The following CD82 variants were observed in gnomAD, a reference collection of about 807,000 sequenced individuals.
The protein encoded by CD82 is CD82 antigen.
Under a neutral mutation model 37.4 loss-of-function variants are expected in CD82, and 36 were observed. That is an observed-to-expected ratio of 0.96 (90% CI 0.74 to 1.27). The LOEUF (loss-of-function observed/expected upper bound fraction) is 1.27, where lower values mean the gene tolerates loss of function less well. CD82 is among the 50% of genes most tolerant of loss of function. The probability of loss-of-function intolerance (pLI) is 0.00; values close to 1 mark genes in which losing one functional copy is unlikely to be tolerated. For synonymous variants in CD82, 158 were observed against 137.4 expected, an observed-to-expected ratio of 1.15 and a Z score of -1.05; for missense variants, 340 against 347.0, an observed-to-expected ratio of 0.98 and a Z score of 0.16.
intron 6 of CD82, chr11:44,608,041 GA>G (rs778296567): frequency 1.3e-5 from 2 of 152,284 alleles, no homozygotes; most frequent in Non-Finnish European, 2.9e-5. Context: ...AAGGCAGGGG[GA>G]AATTTTCTGG....
At chr11:44,614,009 T>C (rs1853524872) in intron 6 of CD82, among the ~76,000 whole-genome samples, 2 of 149,612 alleles carry the variant, frequency 1.3e-5, no homozygotes, top group Middle Eastern at 3.5e-3. Context: ...GTTTTTGTTG[T>C]TGTTTTTGTT....
rs1444489746 is a variant in CD82, at chr11:44,587,546, T to G, written c.-31T>G. The G allele has an allele frequency of 2.2e-6, 1 of 456,286 alleles. No individual in the cohort carries two copies. Among genetic ancestry groups the G allele is most frequent in the Non-Finnish European group, 4.4e-6 (1 of 226,948 alleles). The allele number at this position is 456,286 out of a possible 1,614,324, so 28.3% of individuals were successfully genotyped here. ...TGGGCCCTGTGACCAGCTGCACTGG[T>G]TTCGTGGAAGGTAAGTCCTGGGCTG... On this transcript the variant is annotated 5_prime_UTR_variant, in exon 2 of 10. Coordinates refer to ENST00000227155, the MANE Select transcript of CD82 (RefSeq NM_002231.4).
chr11:44,615,135 C>T, intron 6 of CD82, 137 bp from the exon 7 acceptor site: 1 of 650,516 alleles, frequency 1.5e-6, no homozygotes, highest in Non-Finnish European at 2.9e-6. Context: ...CCTGGGAGCG[C>T]CAGGAAAGTG....
chr11:44,600,206 A>T lies in CD82; in HGVS notation c.112A>T (p.Lys38Ter). ...LGFGVWILADKSSFISVLQTS... is the reference protein window; with the variant it reads ...LGFGVWILAD ...CTTCGGGGTGTGGATCCTGGCCGACAAGAGCAGTTTCATCTCTGTCCTGCG... is the reference window on the plus strand; with the variant it reads ...CTTCGGGGTGTGGATCCTGGCCGACTAGAGCAGTTTCATCTCTGTCCTGCG... Residue 38 changes from lysine to a stop codon, truncating the protein, a stop_gained, in exon 4 of 10, where the codon AAG (lysine) becomes TAG (stop). Coordinates refer to ENST00000227155, the MANE Select transcript of CD82 (RefSeq NM_002231.4). LOFTEE classifies it high-confidence loss of function. The T allele has an allele frequency of 6.2e-7, 1 of 1,614,000 alleles. No homozygotes were observed. Among genetic ancestry groups the T allele is most frequent in the Non-Finnish European group, 8.5e-7 (1 of 1,179,948 alleles).
Position 44,619,195 on chromosome 11 carries a change from C to A in CD82, c.*69C>A. ...GGCTCCCAGGGGTCTCCCTGGCTCC[C>A]TCCTCCAGGCCTGCCTCCCACTTCA... On this transcript the variant is annotated 3_prime_UTR_variant, in exon 10 of 10. Coordinates refer to ENST00000227155, the MANE Select transcript of CD82 (RefSeq NM_002231.4). 8.0e-7 allele frequency: 1 copy of A among 1,246,222 alleles called. No homozygotes were observed. The highest frequency in any genetic ancestry group is 1.2e-6 in the Non-Finnish European group (1 of 844,856). 77.2% of individuals were successfully genotyped at this position (1,246,222 alleles called of 1,614,324 possible). A position where few individuals can be genotyped will look rare whatever the true frequency, so the allele number is the denominator to read the frequency against.
intron 8 of CD82, 37 bp from the exon 9 acceptor site, chr11:44,618,603 C>CA: frequency 6.5e-7 from 1 of 1,548,434 alleles, no homozygotes; most frequent in Non-Finnish European, 8.9e-7. Context: ...TGGGATGGTG[C>CA]AGAGCGGGGT....
At chr11:44,594,521 T>A in intron 2 of CD82, 122 bp from the exon 3 acceptor site, 1 of 677,936 alleles carries the variant, frequency 1.5e-6, no homozygotes, top group Non-Finnish European at 2.7e-6. Flanking sequence ...GCTAGTTGTC[T>A]AACCTCTCTG....
intron 6 of CD82, among the ~76,000 whole-genome samples, chr11:44,613,377 T>C (rs1035221696): frequency 1.3e-5 from 2 of 152,170 alleles, no homozygotes; most frequent in Admixed American, 6.5e-5. Context: ...TGGGTTTGCC[T>C]CCTTTTGCAC....
chr11:44,580,648 G>A (rs935093824), intron 1 of CD82, among the ~76,000 whole-genome samples: 3 of 152,180 alleles, frequency 2.0e-5, no homozygotes, highest in African/African-American at 7.2e-5. Context: ...CGGAGGCAGA[G>A]GTTGCAGTGA....
intron 1 of CD82, among the ~76,000 whole-genome samples, chr11:44,572,332 C>G (rs1027822158): frequency 1.3e-5 from 2 of 152,204 alleles, no homozygotes; most frequent in African/African-American, 4.8e-5. Flanking sequence ...TATCTTTTTA[C>G]TTTCCCCTAT....
At chr11:44,592,694 C>A (rs1345429704) in intron 2 of CD82, among the ~76,000 whole-genome samples, 1 of 152,194 alleles carries the variant, frequency 6.6e-6, no homozygotes, top group Non-Finnish European at 1.5e-5. Flanking sequence ...AGATCTCTGG[C>A]TTCCTGGGCA....
chr11:44,605,464 G>A, intron 6 of CD82, 35 bp downstream of exon 6: 1 of 1,588,256 alleles, frequency 6.3e-7, no homozygotes, highest in Non-Finnish European at 8.6e-7. Context: ...TCACTGGGCT[G>A]GACCAACCAT....
chr11:44,590,610 CAAAAAAAAA>C (rs56665683), intron 2 of CD82, among the ~76,000 whole-genome samples: 9 of 33,456 alleles, frequency 2.7e-4, no homozygotes, highest in South Asian at 2.4e-3. Context: ...GATTCTGTCT[CAAAAAAAAA>C]AAAAAAAAAA....
chr11:44,565,197 A>C (rs774444931), upstream of CD82, among the ~76,000 whole-genome samples: 30 of 152,058 alleles, frequency 2.0e-4, no homozygotes, highest in Non-Finnish European at 3.1e-4. Flanking sequence ...CGCTGAGCCC[A>C]GGCTGGTGCG....
At chr11:44,589,998 T>C (rs958564798) in intron 2 of CD82, among the ~76,000 whole-genome samples, 1 of 151,982 alleles carries the variant, frequency 6.6e-6, no homozygotes, top group Non-Finnish European at 1.5e-5. Context: ...CACGCCTGGC[T>C]AATTTTTTGT....
At chr11:44,582,110 G>C (rs1852987726) in intron 1 of CD82, among the ~76,000 whole-genome samples, 1 of 152,232 alleles carries the variant, frequency 6.6e-6, no homozygotes, top group African/African-American at 2.4e-5. Context: ...CTTGAGGGCA[G>C]AGCTCAGCTG....
At chr11:44,574,573 C>A (rs1341530402) in intron 1 of CD82, among the ~76,000 whole-genome samples, 3 of 152,166 alleles carry the variant, frequency 2.0e-5, no homozygotes, top group Admixed American at 6.5e-5. Context: ...CCCCAAAAAA[C>A]CCCCCAAACT....
rs565388979 is a variant in CD82, at chr11:44,618,785, C to T, written c.726+62C>T. The stretch of plus-strand genomic sequence containing the variant: ...GTCCTCCTGGGTTGTCTCTGTTCTG[C>T]TGATCTCCTTGGGGAGGTGGTGGCC... On this transcript the variant is annotated intron_variant, in intron 9 of 9. Coordinates refer to ENST00000227155, the MANE Select transcript of CD82 (RefSeq NM_002231.4). The T allele has an allele frequency of 3.3e-5, 47 of 1,433,674 alleles. No homozygotes were observed. The East Asian group carries it at 1.0e-3, about 32-fold the overall frequency. The allele number at this position is 1,433,674 out of a possible 1,614,324, so 88.8% of individuals were successfully genotyped here.
At chr11:44,570,902 G>A (rs1431542896) in intron 1 of CD82, among the ~76,000 whole-genome samples, 1 of 152,102 alleles carries the variant, frequency 6.6e-6, no homozygotes, top group Admixed American at 6.5e-5. Flanking sequence ...TGGGACGGTG[G>A]CCTCCAGGAA....
Sources: gnomAD v4.1 joint callset for allele counts (sites outside exome capture counted in the v4.1 genomes callset) on GRCh38, gnomAD v4.1.1 for gene constraint, MANE v1.5 for transcripts, NCBI Gene and HGNC (gene_info 2026-07-23, HGNC 2026-07-21) for gene names.